The following NADSYN1 variants were observed in gnomAD, a reference collection of about 807,000 sequenced individuals.
NADSYN1 encodes NAD synthetase 1.
A neutral mutation model predicts 99.3 loss-of-function variants in NADSYN1; 80 were observed. The ratio of observed to expected loss-of-function variants is 0.81; its 90% CI spans 0.67 to 0.97. The LOEUF (loss-of-function observed/expected upper bound fraction) is 0.97. Ranked by LOEUF, NADSYN1 falls within the 50% of genes least tolerant of loss-of-function variation. The pLI, the probability that NADSYN1 is intolerant of heterozygous loss-of-function variation, is 0.00. For missense variants in NADSYN1, 859 were observed against 948.5 expected, an observed-to-expected ratio of 0.91 and a Z score of 1.24; for synonymous variants, 385 against 372.1, an observed-to-expected ratio of 1.03 and a Z score of -0.40.
At chr11:71,458,261 C>T (rs1463919764) in intron 2 of NADSYN1, among the ~76,000 whole-genome samples, 167 bp from the exon 3 acceptor site, 1 of 152,176 alleles carries the variant, frequency 6.6e-6, no homozygotes, top group Non-Finnish European at 1.5e-5. Context: ...CATCTGGCTG[C>T]GGCAGTGGGT....
chr11:71,494,070 A>G (rs780890532), intron 18 of NADSYN1, among the ~76,000 whole-genome samples: 8 of 152,190 alleles, frequency 5.3e-5, no homozygotes, highest in Non-Finnish European at 1.2e-4. Flanking sequence ...GAAGAAAAAT[A>G]TATTTGTATT....
intron 6 of NADSYN1, 54 bp from the exon 7 acceptor site, chr11:71,473,224 G>T: frequency 1.3e-6 from 2 of 1,547,016 alleles, no homozygotes; most frequent in South Asian, 2.2e-5. Context: ...GTAGTGCGTG[G>T]CCCAGACAGG....
At chr11:71,497,670 A>G in intron 19 of NADSYN1, 59 bp downstream of exon 19, 1 of 1,609,466 alleles carries the variant, frequency 6.2e-7, no homozygotes, top group East Asian at 2.2e-5. Context: ...CCCTTTGCAG[A>G]GGCCGGTTTG....
At chr11:71,494,959 A>AT (rs374955925) in intron 18 of NADSYN1, among the ~76,000 whole-genome samples, 20 of 146,704 alleles carry the variant, frequency 1.4e-4, no homozygotes, top group Non-Finnish European at 2.1e-4. Flanking sequence ...AGGTTTGTCA[A>AT]TTTTTTTTTT....
chr11:71,497,711 C>A, intron 19 of NADSYN1, 100 bp downstream of exon 19: 1 of 1,448,868 alleles, frequency 6.9e-7, no homozygotes, highest in Non-Finnish European at 9.5e-7. Flanking sequence ...AACAGTGTGA[C>A]CCTAACGTAA....
chr11:71,474,278 G>A, intron 8 of NADSYN1, 117 bp from the exon 9 acceptor site: 1 of 1,358,146 alleles, frequency 7.4e-7, no homozygotes, highest in Non-Finnish European at 1.0e-6. Context: ...CTCTGCGGTG[G>A]TGGGACCACT....
chr11:71,485,439 C>T, intron 15 of NADSYN1, 103 bp from the exon 16 acceptor site: 1 of 879,412 alleles, frequency 1.1e-6, no homozygotes, highest in Non-Finnish European at 1.7e-6. Context: ...CTAGAGAGCT[C>T]CTAAGCTATT....
Position 71,453,280 on chromosome 11 carries a change from A to G in NADSYN1, c.-17A>G. On this transcript the variant is annotated 5_prime_UTR_variant, in exon 1 of 21. Coordinates refer to ENST00000319023, the MANE Select transcript of NADSYN1 (RefSeq NM_018161.5). Reference sequence around the variant, plus strand: ...GCTGTCCCCCGCTGGCCTCCTGCCCAAGCGACTGCGGCCAGGATGGGCCGG... The same window carrying G: ...GCTGTCCCCCGCTGGCCTCCTGCCCGAGCGACTGCGGCCAGGATGGGCCGG... The G allele has an allele frequency of 6.2e-7, 1 of 1,612,066 alleles. No individual in the cohort carries two copies. The highest frequency in any genetic ancestry group is 1.1e-5 in the South Asian group (1 of 90,886).
At position 71,453,205 on chromosome 11, in the gene NADSYN1, C is replaced by T; in HGVS notation, c.-92C>T. Reference sequence around the variant, plus strand: ...GCGGGGAGGGGGCGGGGCCGGGCAACCCGGAAGGTCCGGCGTCCCAGCCGC... The same window carrying T: ...GCGGGGAGGGGGCGGGGCCGGGCAATCCGGAAGGTCCGGCGTCCCAGCCGC... On this transcript the variant is annotated 5_prime_UTR_variant, in exon 1 of 21. Transcript: ENST00000319023. 1 of 1,141,784 alleles carries T rather than the reference C, an allele frequency of 8.8e-7. No homozygotes were observed. The highest frequency in any genetic ancestry group is 1.3e-6 in the Non-Finnish European group (1 of 785,938). The allele number at this position is 1,141,784 out of a possible 1,614,324, so 70.7% of individuals were successfully genotyped here. A position where few individuals can be genotyped will look rare whatever the true frequency, so the allele number is the denominator to read the frequency against.
chr11:71,469,346 C>G (rs560144558), intron 5 of NADSYN1, among the ~76,000 whole-genome samples: 3 of 152,116 alleles, frequency 2.0e-5, no homozygotes, highest in Non-Finnish European at 2.9e-5. Flanking sequence ...GTGGTGTGCA[C>G]CTGTGGTCCT....
rs546418616 is a variant in NADSYN1 at position 71,477,524 on chromosome 11, C to T, written c.799-871C>T. ...GTGAACCGCCGCAGTGGTGCAGGTG[C>T]TGTTCCCGCTGTCCCACACTCGTGT... is the stretch of plus-strand genomic sequence containing the variant. On this transcript the variant is annotated intron_variant, in intron 9 of 20. Coordinates refer to ENST00000319023, the MANE Select transcript of NADSYN1 (RefSeq NM_018161.5). The T allele has an allele frequency of 3.4e-4, 362 of 1,059,224 alleles. No homozygotes were observed. The African/African-American group carries it at 5.4e-3, about 16-fold the overall frequency. The allele number at this position is 1,059,224 out of a possible 1,614,324, so 65.6% of individuals were successfully genotyped here. A position where few individuals can be genotyped will look rare whatever the true frequency, so the allele number is the denominator to read the frequency against.
intron 2 of NADSYN1, 22 bp downstream of exon 2, chr11:71,455,192 C>T: frequency 6.2e-7 from 1 of 1,602,918 alleles, no homozygotes; most frequent in Non-Finnish European, 8.5e-7. Flanking sequence ...CACAGACACC[C>T]TGGGGTCGTC....
At chr11:71,478,135 T>C (rs1423384294) in intron 9 of NADSYN1, among the ~76,000 whole-genome samples, 9 of 151,292 alleles carry the variant, frequency 5.9e-5, no homozygotes. Flanking sequence ...GTGTGTCTTA[T>C]TGACAGGGTG....
intron 3 of NADSYN1, among the ~76,000 whole-genome samples, chr11:71,462,384 C>G (rs1445171589): frequency 6.6e-6 from 1 of 152,208 alleles, no homozygotes; most frequent in Non-Finnish European, 1.5e-5. Context: ...AACCAATTGC[C>G]AGTCAGAACT....
rs774142574 is a variant in NADSYN1, at chr11:71,458,494, G to T, written c.213G>T (p.Ala71=). The change falls in exon 3 of 21, where the codon GCG becomes GCT. Residue 71 remains alanine (A), a synonymous_variant. Coordinates refer to ENST00000319023, the MANE Select transcript of NADSYN1 (RefSeq NM_018161.5). ...DTLLHSFQVL[A]ALVESPVTQD... is the part of the protein sequence containing the mutation. ...TCTTGCACTCGTTTCAAGTCCTAGCGGCCCTTGTGGAGTCTCCCGTCACTC... is the reference window on the plus strand; with the variant it reads ...TCTTGCACTCGTTTCAAGTCCTAGCTGCCCTTGTGGAGTCTCCCGTCACTC... 10 of 1,613,812 alleles carry T rather than the reference G, an allele frequency of 6.2e-6. 1 individual carries two copies. In the East Asian group the frequency reaches 1.6e-4, roughly 25 times the overall value.
At chr11:71,458,380 C>T (rs547759719) in intron 2 of NADSYN1, 48 bp from the exon 3 acceptor site, 60 of 1,466,408 alleles carry the variant, frequency 4.1e-5, no homozygotes, top group South Asian at 1.0e-4. Flanking sequence ...TGCCCCTCCC[C>T]GCTCACCTGA....
intron 8 of NADSYN1, 93 bp downstream of exon 8, chr11:71,473,779 C>T: frequency 1.1e-6 from 1 of 902,534 alleles, no homozygotes; most frequent in South Asian, 1.5e-5. Flanking sequence ...GCTGGGCCCA[C>T]ACACAATGGA....
At chr11:71,493,407 T>C (rs1293221720) in intron 18 of NADSYN1, among the ~76,000 whole-genome samples, 1 of 152,176 alleles carries the variant, frequency 6.6e-6, no homozygotes, top group Admixed American at 6.5e-5. Flanking sequence ...GTTGAGCTCA[T>C]GTATTAGTGC....
At chr11:71,496,879 T>C (rs1436552348) in intron 18 of NADSYN1, 1 of 153,046 alleles carries the variant, frequency 6.5e-6, no homozygotes, top group East Asian at 1.9e-4. Context: ...TCTTTTCTTC[T>C]TCTTCTTTTT....
Sources: allele counts gnomAD v4.1 joint callset (sites outside exome capture counted in the v4.1 genomes callset), GRCh38; gene constraint gnomAD v4.1.1; transcripts MANE v1.5; gene names NCBI Gene and HGNC (gene_info 2026-07-23, HGNC 2026-07-21).